The following TTN variants were observed in gnomAD, a reference collection of about 807,000 sequenced individuals.
The protein encoded by TTN is connectin.
TTN carries 1,525 observed loss-of-function variants against 3,223.0 expected under a neutral mutation model. The observed-to-expected ratio is 0.47, with a 90% CI of 0.45 to 0.49. The LOEUF is 0.49. Ranked by LOEUF, TTN falls within the 20% of genes least tolerant of loss-of-function variation. TTN has a pLI of 0.00. For missense variants in TTN, 40,786 were observed against 43,424.0 expected, an observed-to-expected ratio of 0.94 and a Z score of 5.40; for synonymous variants, 14,094 against 15,161.0, an observed-to-expected ratio of 0.93 and a Z score of 5.17.
Position 178,585,312 on chromosome 2 carries a change from T to C in TTN, c.64432A>G (p.Ile21478Val). 10 of 1,610,240 alleles carry C rather than the reference T, an allele frequency of 6.2e-6. No individual in the cohort carries two copies. The highest frequency in any genetic ancestry group is 1.1e-5 in the South Asian group (1 of 90,390). ...PKILMPEQIT[I>V]KAGKKLRIEA... The stretch of plus-strand genomic sequence containing the variant: ...ATTCGGAGTTTTTTCCCAGCTTTGA[T>C]AGTTATTTGCTCTGGCATAAGGATC... Residue 21478 changes from isoleucine to valine, a missense_variant, in exon 309 of 363, where the codon ATC becomes GTC. Transcript: ENST00000589042.
rs559323758 is a variant in TTN at position 178,681,645 on chromosome 2, GT to G, written c.33172+15del. On this transcript the variant is annotated intron_variant, in intron 136 of 362. Coordinates refer to ENST00000589042, the MANE Select transcript of TTN (RefSeq NM_001267550.2). ...ACAAAGATCTCTTACAGGTAATAAT[GT>G]TTTTTTCACTCTACCTTTAGCCGGT... is the stretch of plus-strand genomic sequence containing the variant. 9.4e-6 allele frequency: 15 copies of G among 1,599,630 alleles called. No individual in the cohort carries two copies. Among genetic ancestry groups the G allele is most frequent in the Admixed American group, 1.8e-5 (1 of 56,396 alleles).
Position 178,804,610 on chromosome 2 carries a change from C to T in TTN, c.33G>A (p.Pro11=), listed in dbSNP as rs138331646. 1,081 of 1,613,834 alleles carry T rather than the reference C, an allele frequency of 6.7e-4. No homozygotes were observed. The highest frequency in any genetic ancestry group is 1.1e-3 in the East Asian group (49 of 44,872). ...CCTCCAGTACCACAACGCTTTGTAA[C>T]GGCTGCGTAAACGTCGGTGCTTGAG... MTTQAPTFTQ[P]LQSVVVLEGS... is the part of the protein sequence containing the mutation. The change falls in exon 2 of 363, where the codon CCG becomes CCA. Residue 11 remains proline, a synonymous_variant. Transcript: ENST00000589042.
chr2:178,774,369 A>G lies in TTN; in HGVS notation c.6895T>C (p.Trp2299Arg), dbSNP rs145585333. 3.5e-5 allele frequency: 56 copies of G among 1,613,830 alleles called. No individual in the cohort carries two copies. The highest frequency in any genetic ancestry group is 4.7e-5 in the Non-Finnish European group (55 of 1,179,954). ...TTAAGCTCCACATCATTATGATACC[A>G]TTTTCCTTCTATATTTTCTGGGGAT... ...IVSPENIEGKWYHNDVELKSN... is the reference protein window; with the variant it reads ...IVSPENIEGKRYHNDVELKSN... The change falls in exon 30 of 363, where the codon TGG (tryptophan) becomes CGG (arginine). Residue 2299 changes from tryptophan to arginine, a missense_variant. Coordinates refer to ENST00000589042, the MANE Select transcript of TTN (RefSeq NM_001267550.2).
chr2:178,541,110 C>T (rs577729203), intron 350 of TTN, 172 bp downstream of exon 350: 87 of 581,732 alleles, frequency 1.5e-4, no homozygotes, highest in Middle Eastern at 9.9e-4. Flanking sequence ...TGATTACAAA[C>T]GGACACAAGG....
At position 178,740,465 on chromosome 2, in the gene TTN, C is replaced by A; in HGVS notation, c.12768G>T (p.Glu4256Asp). Residue 4256 changes from glutamate (E) to aspartate (D), a missense_variant, in exon 48 of 363, where the codon GAG becomes GAT. Transcript: ENST00000589042. ...REQRVTLQKQ[E>D]AQSALILSQS... Reference sequence around the variant, plus strand: ...GACTCAAGATGAGCGCACTTTGTGCCTCTTGCTTTTGAAGAGTCACTCTTT... The same window carrying A: ...GACTCAAGATGAGCGCACTTTGTGCATCTTGCTTTTGAAGAGTCACTCTTT... 6.2e-7 allele frequency: 1 copy of A among 1,613,634 alleles called. No homozygotes were observed. The highest frequency in any genetic ancestry group is 2.2e-5 in the East Asian group (1 of 44,768).
chr2:178,646,596 T>C (rs771339279), intron 215 of TTN, 37 bp from the exon 216 acceptor site: 17 of 1,303,344 alleles, frequency 1.3e-5, no homozygotes, highest in Admixed American at 2.1e-5. Flanking sequence ...GAGGTTGCAA[T>C]GTAAAGTTCT....
chr2:178,648,681 A>G (rs2062424109), intron 213 of TTN, among the ~76,000 whole-genome samples: 1 of 152,154 alleles, frequency 6.6e-6, no homozygotes, highest in South Asian at 2.1e-4. Context: ...AAGTGTTGGG[A>G]TGACAGGCGT....
In TTN at chr2:178,563,417, C is replaced by G. The variant is rs1308840853; in HGVS notation, c.82715G>C (p.Gly27572Ala). 1 of 1,613,542 alleles carries G rather than the reference C, an allele frequency of 6.2e-7. No individual in the cohort carries two copies. Among genetic ancestry groups the G allele is most frequent in the Non-Finnish European group, 8.5e-7 (1 of 1,179,736 alleles). ...YRACDALYPP[G>A]PPSNPKVTDT... Reference sequence around the variant, plus strand: ...CGTCACTTTTGGATTGCTTGGGGGACCTGGTGGATACAAGGCATCACACGC... The same window carrying G: ...CGTCACTTTTGGATTGCTTGGGGGAGCTGGTGGATACAAGGCATCACACGC... The change falls in exon 326 of 363, where the codon GGT becomes GCT. Residue 27572 changes from glycine (G) to alanine (A), a missense_variant. Gly to Ala is a moderately conservative substitution (Grantham distance 60, BLOSUM62 0). Transcript: ENST00000589042. This position sits in a 1 kb window ranked among gnomAD's most constrained non-coding sequence, Gnocchi z 4.5.
intron 143 of TTN, 35 bp downstream of exon 143, chr2:178,678,712 A>G (rs1461244184): frequency 6.3e-7 from 1 of 1,585,028 alleles, no homozygotes; most frequent in Non-Finnish European, 8.6e-7. Flanking sequence ...TGCAAATGTG[A>G]AATAAAAATA....
intron 242 of TTN, 64 bp downstream of exon 242, chr2:178,624,401 T>C (rs2058728143): frequency 6.3e-6 from 10 of 1,597,976 alleles, no homozygotes; most frequent in Non-Finnish European, 8.5e-6. Context: ...AGTGTTGTGT[T>C]GTTTTGTTGT....
chr2:178,595,549 A>G lies in TTN; in HGVS notation c.57805T>C (p.Phe19269Leu), dbSNP rs1214774748. 1.3e-6 allele frequency: 2 copies of G among 1,568,108 alleles called. No homozygotes were observed. Among genetic ancestry groups the G allele is most frequent in the Non-Finnish European group, 1.7e-6 (2 of 1,154,970 alleles). Reference sequence around the variant, plus strand: ...ACAAGTGCCTCTGATGTCTCAACAAATGGACCCATGCCAATACTATTTTCA... The same window carrying G: ...ACAAGTGCCTCTGATGTCTCAACAAGTGGACCCATGCCAATACTATTTTCA... ...AAENSIGMGP[F>L]VETSEALVIR... The change falls in exon 295 of 363, where the codon TTT becomes CTT. Residue 19269 changes from phenylalanine to leucine, a missense_variant. Physicochemically the swap from Phe to Leu is conservative, Grantham distance 22. Transcript: ENST00000589042.
At chr2:178,600,605 C>A in intron 288 of TTN, 1 of 504,908 alleles carries the variant, frequency 2.0e-6, no homozygotes. Flanking sequence ...AAACAGACTG[C>A]GAGGAAAATT....
Position 178,566,312 on chromosome 2 carries a change from C to A in TTN, c.79820G>T (p.Gly26607Val). 1 of 1,613,642 alleles carries A rather than the reference C, an allele frequency of 6.2e-7. No individual in the cohort carries two copies. Among genetic ancestry groups the A allele is most frequent in the Non-Finnish European group, 8.5e-7 (1 of 1,179,692 alleles). ...TGGAATGTGAATTCTGGCAGATCCACCAGCTCTTACAACAATTCCTTTTCT... is the reference window on the plus strand; with the variant it reads ...TGGAATGTGAATTCTGGCAGATCCAACAGCTCTTACAACAATTCCTTTTCT... ...ELRKGIVVRA[G>V]GSARIHIPFK... Residue 26607 changes from glycine to valine, a missense_variant, in exon 326 of 363, where the codon GGT (glycine) becomes GTT (valine). Transcript: ENST00000589042.
At chr2:178,688,507 C>T (rs745567864) in intron 126 of TTN, among the ~76,000 whole-genome samples, 170 bp downstream of exon 126, 31 of 152,284 alleles carry the variant, frequency 2.0e-4, no homozygotes, top group Non-Finnish European at 4.3e-4. Context: ...AACATAGACA[C>T]AAAAGACTCA....
chr2:178,546,981 GC>G (rs768400121), intron 340 of TTN, 21 bp downstream of exon 340: 12 of 1,595,472 alleles, frequency 7.5e-6, no homozygotes, highest in Non-Finnish European at 1.0e-5. Context: ...AAACAAATAT[GC>G]CCTTAAATTG....
rs754626052 is a variant in TTN at position 178,663,879 on chromosome 2, T to G, written c.36388A>C (p.Ile12130Leu). The G allele has an allele frequency of 2.5e-6, 4 of 1,613,414 alleles. No homozygotes were observed. In the South Asian group the frequency reaches 3.3e-5, roughly 13 times the overall value. The change falls in exon 170 of 363, where the codon ATC becomes CTC. Residue 12130 changes from isoleucine to leucine, a missense_variant. Transcript: ENST00000589042. ...GCCAAGGGCACTTTCTCTTCGCGGA[T>G]AACCTCTTTGGAAGCTTCTGGCACT... is the stretch of plus-strand genomic sequence containing the variant. ...VKVPEASKEV[I>L]REEKVPLAPP...
In TTN at chr2:178,594,491, T is replaced by C. The variant is rs752763361; in HGVS notation, c.58003A>G (p.Thr19335Ala). The C allele has an allele frequency of 6.2e-7, 1 of 1,613,432 alleles. No individual in the cohort carries two copies. Among genetic ancestry groups the C allele is most frequent in the Non-Finnish European group, 8.5e-7 (1 of 1,179,556 alleles). The change falls in exon 296 of 363, where the codon ACA (threonine) becomes GCA (alanine). Residue 19335 changes from threonine (T) to alanine (A), a missense_variant. Physicochemically the swap from Thr to Ala is moderately conservative, Grantham distance 58. Transcript: ENST00000589042. ...LIGTEKFHKV[T>A]NDNLLSRKYT... The stretch of plus-strand genomic sequence containing the variant: ...TTTCTGCTAAGCAAGTTGTCATTTG[T>C]AACTTTGTGGAACTTCTCAGTCCCA...
Position 178,607,486 on chromosome 2 carries a change from T to C in TTN, c.53202A>G (p.Ala17734=). Residue 17734 remains alanine (A), a synonymous_variant, in exon 277 of 363, where the codon GCA becomes GCG. Transcript: ENST00000589042. ...CATATCTGCCATGGTCTTTTCGCAGTGCATCCTTGATAATTAGTTCAGATT... is the reference window on the plus strand; with the variant it reads ...CATATCTGCCATGGTCTTTTCGCAGCGCATCCTTGATAATTAGTTCAGATT... ...GTKSELIIKD[A]LRKDHGRYVI... is the part of the protein sequence containing the mutation. The C allele has an allele frequency of 6.2e-7, 1 of 1,613,290 alleles. No homozygotes were observed. The highest frequency in any genetic ancestry group is 8.5e-7 in the Non-Finnish European group (1 of 1,179,388).
At position 178,540,318 on chromosome 2, in the gene TTN, T is replaced by C; in HGVS notation, c.97848A>G (p.Ser32616=). ...CTGGAACACTCCAGGCCAGGGAGAC[T>C]GATGTCCTTGTTGTATCAGTAACTC... The part of the protein sequence containing the change: ...NPRVTDTTRT[S]VSLAWSVPED... Residue 32616 remains serine (S), a synonymous_variant, in exon 351 of 363, where the codon TCA becomes TCG. Transcript: ENST00000589042. 6.2e-7 allele frequency: 1 copy of C among 1,613,768 alleles called. No individual in the cohort carries two copies. The highest frequency in any genetic ancestry group is 8.5e-7 in the Non-Finnish European group (1 of 1,179,722).
Sources: allele counts gnomAD v4.1 joint callset (sites outside exome capture counted in the v4.1 genomes callset), GRCh38; gene constraint gnomAD v4.1.1; non-coding constraint Gnocchi (gnomAD v3.1); transcripts MANE v1.5; gene names NCBI Gene and HGNC (gene_info 2026-07-23, HGNC 2026-07-21).